CACNA2D3: variants seen among roughly 807,000 people sequenced by gnomAD.
CACNA2D3 encodes the protein voltage-dependent calcium channel subunit alpha-2/delta-3.
A neutral mutation model predicts 160.6 loss-of-function variants in CACNA2D3; 60 were observed. The ratio of observed to expected loss-of-function variants is 0.37; its 90% CI spans 0.30 to 0.46. The LOEUF (loss-of-function observed/expected upper bound fraction) is 0.46, where lower values mean the gene tolerates loss of function less well. Among genes scored for constraint, CACNA2D3 ranks in the 20% least tolerant of loss-of-function variants. The pLI is 1.00. For missense variants in CACNA2D3, 1,205 were observed against 1,365.0 expected (o/e 0.88, Z 1.85); for synonymous variants, 558 against 492.9 (o/e 1.13, Z -1.75).
intron 2 of CACNA2D3, among the ~76,000 whole-genome samples, chr3:54,268,524 C>T (rs1702561316): frequency 6.6e-6 from 1 of 152,186 alleles, no homozygotes; most frequent in South Asian, 2.1e-4. Flanking sequence ...ATTCTCCTGC[C>T]TCAGCCTCCT....
At chr3:54,328,759 G>T (rs535137418) in intron 3 of CACNA2D3, among the ~76,000 whole-genome samples, 2 of 152,188 alleles carry the variant, frequency 1.3e-5, no homozygotes, top group Non-Finnish European at 2.9e-5. Flanking sequence ...GAATGTGGGT[G>T]TAGGCACTCT....
chr3:54,883,935 A>T (rs979004526), intron 21 of CACNA2D3, among the ~76,000 whole-genome samples: 7 of 151,956 alleles, frequency 4.6e-5, no homozygotes, highest in Admixed American at 3.3e-4. Context: ...GTTAAATTTT[A>T]ATATAATTTA....
chr3:54,435,064 T>C (rs1330723908), intron 4 of CACNA2D3, among the ~76,000 whole-genome samples: 1 of 152,120 alleles, frequency 6.6e-6, no homozygotes, highest in Non-Finnish European at 1.5e-5. Flanking sequence ...AGTATGCCTT[T>C]TATAGTATAC....
intron 5 of CACNA2D3, among the ~76,000 whole-genome samples, chr3:54,513,749 C>CA (rs1287368913): frequency 1.3e-5 from 2 of 152,272 alleles, no homozygotes; most frequent in African/African-American, 4.8e-5. Context: ...GGTGCGATCT[C>CA]AGCTCATTGC....
chr3:54,869,786 C>G (rs945468246), intron 17 of CACNA2D3, among the ~76,000 whole-genome samples: 6 of 152,238 alleles, frequency 3.9e-5, no homozygotes, highest in Non-Finnish European at 5.9e-5. Context: ...CGTTGCTGTT[C>G]TTTTCTGTTC....
chr3:54,503,382 G>C (rs1575492373), intron 4 of CACNA2D3, 110 bp from the exon 5 acceptor site: 2 of 889,780 alleles, frequency 2.2e-6, no homozygotes, highest in African/African-American at 1.7e-5. Context: ...TATGTGAGCA[G>C]ATCAGGGTCC....
chr3:54,930,907 G>A (rs1701171975), intron 27 of CACNA2D3, among the ~76,000 whole-genome samples: 1 of 152,144 alleles, frequency 6.6e-6, no homozygotes, highest in Non-Finnish European at 1.5e-5. Flanking sequence ...GACCAGCCTG[G>A]CCAACAAGGT....
chr3:54,624,095 G>GT (rs1236725953), intron 9 of CACNA2D3, among the ~76,000 whole-genome samples: 1 of 152,146 alleles, frequency 6.6e-6, no homozygotes, highest in East Asian at 1.9e-4. Flanking sequence ...CATCATTTGG[G>GT]AGTCCTTAAC....
chr3:54,279,659 T>C (rs1702825371), intron 2 of CACNA2D3, among the ~76,000 whole-genome samples: 1 of 152,246 alleles, frequency 6.6e-6, no homozygotes, highest in Admixed American at 6.5e-5. Context: ...GCAGCCCTGT[T>C]GTACCTACAG....
intron 31 of CACNA2D3, among the ~76,000 whole-genome samples, chr3:54,992,158 G>A (rs1702756266): frequency 6.6e-6 from 1 of 152,116 alleles, no homozygotes; most frequent in Admixed American, 6.6e-5. Context: ...TGTTGCCCAG[G>A]CACTTGTGCT....
intron 3 of CACNA2D3, among the ~76,000 whole-genome samples, chr3:54,360,650 C>T (rs1384871734): frequency 1.3e-5 from 2 of 152,152 alleles, no homozygotes; most frequent in Non-Finnish European, 2.9e-5. Context: ...CCTCTGTGCT[C>T]AGTTTCCTCT....
At chr3:54,669,027 G>A (rs1700114918) in intron 11 of CACNA2D3, among the ~76,000 whole-genome samples, 1 of 152,032 alleles carries the variant, frequency 6.6e-6, no homozygotes, top group Non-Finnish European at 1.5e-5. Context: ...TTTCTTCTTG[G>A]CATTTATCTC....
At chr3:55,003,239 T>C (rs753449661) in intron 31 of CACNA2D3, among the ~76,000 whole-genome samples, 1 of 152,148 alleles carries the variant, frequency 6.6e-6, no homozygotes, top group East Asian at 1.9e-4. Flanking sequence ...GCAGTTGTTA[T>C]GTAACTCAGG....
chr3:54,849,768 G>T (rs1019674494), intron 17 of CACNA2D3, among the ~76,000 whole-genome samples: 1 of 152,218 alleles, frequency 6.6e-6, no homozygotes, highest in African/African-American at 2.4e-5. Flanking sequence ...GTTGTGGCCA[G>T]CATGGGGAGG....
chr3:54,955,754 G>A (rs1350271922), intron 27 of CACNA2D3, among the ~76,000 whole-genome samples: 1 of 152,114 alleles, frequency 6.6e-6, no homozygotes, highest in Non-Finnish European at 1.5e-5. Flanking sequence ...TATTGGCCCT[G>A]CTGAGAAGGA....
chr3:54,920,225 G>A (rs1700801423), intron 27 of CACNA2D3, among the ~76,000 whole-genome samples: 1 of 152,166 alleles, frequency 6.6e-6, no homozygotes, highest in Non-Finnish European at 1.5e-5. Flanking sequence ...CAGAGTTTTA[G>A]GAATGCTTTC....
intron 4 of CACNA2D3, among the ~76,000 whole-genome samples, chr3:54,410,528 T>C (rs1015050378): frequency 2.0e-5 from 3 of 152,160 alleles, no homozygotes; most frequent in African/African-American, 4.8e-5. Flanking sequence ...AAATCTACCA[T>C]ACGTGTGCTC....
At chr3:54,748,325 C>T (rs1017617075) in intron 11 of CACNA2D3, among the ~76,000 whole-genome samples, 1 of 152,152 alleles carries the variant, frequency 6.6e-6, no homozygotes, top group Non-Finnish European at 1.5e-5. Context: ...GGGTACCCCT[C>T]TCAGTTTCTG....
At chr3:54,706,528 C>T (rs1700860402) in intron 11 of CACNA2D3, among the ~76,000 whole-genome samples, 1 of 152,146 alleles carries the variant, frequency 6.6e-6, no homozygotes, top group Admixed American at 6.5e-5. Context: ...GGTATCTATC[C>T]TCAGGCTTTG....
Sources: gnomAD v4.1 joint callset for allele counts (sites outside exome capture counted in the v4.1 genomes callset) on GRCh38, gnomAD v4.1.1 for gene constraint, MANE v1.5 for transcripts, NCBI Gene and HGNC (gene_info 2026-07-23, HGNC 2026-07-21) for gene names.